The following NAALADL2 variants were observed in gnomAD, a reference collection of about 807,000 sequenced individuals.
The protein encoded by NAALADL2 is inactive N-acetylated-alpha-linked acidic dipeptidase-like protein 2.
In NAALADL2, 76 loss-of-function variants were observed where a neutral mutation model predicts 87.2. The observed-to-expected ratio is 0.87, with a 90% CI of 0.72 to 1.05. The LOEUF is 1.05. NAALADL2 is among the 50% of genes least tolerant of loss of function. The pLI, the probability that NAALADL2 is intolerant of heterozygous loss-of-function variation, is 0.00. For synonymous variants in NAALADL2, 354 were observed against 331.0 expected, an observed-to-expected ratio of 1.07 and a Z score of -0.75; for missense variants, 1,089 against 945.8, an observed-to-expected ratio of 1.15 and a Z score of -1.99.
chr3:175,423,028 A>AAAAAAAATATATATATATAT (rs1438736874), intron 5 of NAALADL2, among the ~76,000 whole-genome samples: 2 of 111,320 alleles, frequency 1.8e-5, no homozygotes, highest in Non-Finnish European at 3.4e-5. Context: ...GAAAAAAAAA[A>AAAAAAAATATATATATATAT]ATATATATAT....
intron 2 of NAALADL2, among the ~76,000 whole-genome samples, chr3:175,229,266 A>C (rs976316297): frequency 5.9e-5 from 9 of 151,958 alleles, no homozygotes; most frequent in Admixed American, 3.3e-4. Context: ...TAAAACCTTA[A>C]TTATTTTGCA....
At chr3:175,579,392 A>T (rs1719415352) in intron 10 of NAALADL2, among the ~76,000 whole-genome samples, 1 of 152,168 alleles carries the variant, frequency 6.6e-6, no homozygotes, top group South Asian at 2.1e-4. Flanking sequence ...TATCCCCAAT[A>T]TTTCAAGCTA....
chr3:174,686,839 T>C (rs1213624629), intron 2 of NAALADL2, among the ~76,000 whole-genome samples: 1 of 151,870 alleles, frequency 6.6e-6, no homozygotes, highest in African/African-American at 2.4e-5. Context: ...TATAAAACTA[T>C]AAAAGCCCTG....
intron 4 of NAALADL2, among the ~76,000 whole-genome samples, chr3:175,264,058 T>A (rs939557732): frequency 4.0e-5 from 6 of 151,826 alleles, no homozygotes; most frequent in Non-Finnish European, 8.8e-5. Context: ...TCACAGCCCT[T>A]CCAATCTTCT....
At chr3:175,074,569 T>A (rs531323197) in intron 1 of NAALADL2, among the ~76,000 whole-genome samples, 1 of 152,066 alleles carries the variant, frequency 6.6e-6, no homozygotes, top group Admixed American at 6.6e-5. Context: ...CAAAAAAAAA[T>A]TGTGGTTTGA....
chr3:175,483,270 G>T lies in NAALADL2; in HGVS notation c.1653+11512G>T, dbSNP rs79900065. 8.2e-3 allele frequency among the ~76,000 whole-genome samples: 1,227 copies of T among 150,124 alleles called. 12 individuals are homozygous for T. The highest frequency in any genetic ancestry group is 0.028 in the African/African-American group (1,148 of 41,004). ...TAAGTCTTTAGAAAGCATGCACATA[G>T]TAAGCTATGTGCCAGGCATAAAACA... is the stretch of plus-strand genomic sequence containing the variant. On this transcript the variant is annotated intron_variant, in intron 9 of 13. Transcript: ENST00000454872.
intron 3 of NAALADL2, among the ~76,000 whole-genome samples, chr3:174,787,621 A>ATATATATAC (rs1578931205): frequency 9.2e-6 from 1 of 109,244 alleles, no homozygotes; most frequent in Non-Finnish European, 2.0e-5. Context: ...ATATATATAT[A>ATATATATAC]GTAGTGACTC....
chr3:175,422,222 G>A (rs1453930067), intron 5 of NAALADL2, among the ~76,000 whole-genome samples: 3 of 152,118 alleles, frequency 2.0e-5, no homozygotes, highest in Middle Eastern at 3.4e-3. Context: ...CAAATCATGC[G>A]TTGACCTCAT....
chr3:175,327,893 A>G (rs1029292484), intron 5 of NAALADL2, among the ~76,000 whole-genome samples: 3 of 152,196 alleles, frequency 2.0e-5, no homozygotes, highest in Non-Finnish European at 4.4e-5. Flanking sequence ...TTTATAACAA[A>G]AGATCTGTAT....
intron 4 of NAALADL2, among the ~76,000 whole-genome samples, chr3:175,289,585 T>C (rs957402260): frequency 7.5e-6 from 1 of 134,022 alleles, no homozygotes; most frequent in Non-Finnish European, 1.6e-5. Flanking sequence ...TTAGAACACA[T>C]ATAGCCTCCC....
At chr3:174,468,359 T>C (rs922803246) in intron 1 of NAALADL2, among the ~76,000 whole-genome samples, 6 of 151,408 alleles carry the variant, frequency 4.0e-5, no homozygotes, top group African/African-American at 1.5e-4. Context: ...GAATTCATTT[T>C]CATTTTCTTT....
intron 1 of NAALADL2, among the ~76,000 whole-genome samples, chr3:174,526,600 G>A (rs1240617391): frequency 6.6e-6 from 1 of 151,776 alleles, no homozygotes; most frequent in Non-Finnish European, 1.5e-5. Flanking sequence ...TATTAGAGAA[G>A]TATTAGTACA....
At chr3:175,302,748 G>A (rs985707091) in intron 4 of NAALADL2, among the ~76,000 whole-genome samples, 1 of 151,930 alleles carries the variant, frequency 6.6e-6, no homozygotes, top group Non-Finnish European at 1.5e-5. Context: ...GGGGCAATAG[G>A]TGTGGTACTT....
intron 13 of NAALADL2, among the ~76,000 whole-genome samples, chr3:175,768,215 C>T (rs1175172458): frequency 6.6e-6 from 1 of 152,102 alleles, no homozygotes; most frequent in African/African-American, 2.4e-5. Flanking sequence ...AAATAAAACT[C>T]GTGTACCAGG....
intron 2 of NAALADL2, among the ~76,000 whole-genome samples, chr3:174,693,511 T>C (rs1048900832): frequency 6.6e-6 from 1 of 152,186 alleles, no homozygotes; most frequent in African/African-American, 2.4e-5. Flanking sequence ...AAATTTTATT[T>C]TGTTTCTTCC....
chr3:174,600,954 G>C (rs1112553), intron 2 of NAALADL2, among the ~76,000 whole-genome samples: 64,285 of 151,854 alleles, frequency 0.42, 15,125 homozygotes, highest in Non-Finnish European at 0.55. Flanking sequence ...ATATCAGTAG[G>C]TATATTTATT....
At chr3:175,791,392 A>G (rs1393900949) in intron 13 of NAALADL2, among the ~76,000 whole-genome samples, 1 of 152,184 alleles carries the variant, frequency 6.6e-6, no homozygotes, top group Non-Finnish European at 1.5e-5. Context: ...GGGTCCAGAT[A>G]TTTGTATTTG....
At chr3:175,346,814 T>C (rs896584934) in intron 5 of NAALADL2, among the ~76,000 whole-genome samples, 1 of 152,204 alleles carries the variant, frequency 6.6e-6, no homozygotes, top group Non-Finnish European at 1.5e-5. Context: ...GTTCCTTGTA[T>C]GGATTTTGCT....
rs1576881967 is a variant in NAALADL2, at chr3:175,804,125, G to A, written c.*922G>A. 2 of 151,898 alleles carry A rather than the reference G, an allele frequency of 1.3e-5. No homozygotes were observed. Among genetic ancestry groups the A allele is most frequent in the African/African-American group, 4.8e-5 (2 of 41,412 alleles). 9.4% of individuals were successfully genotyped at this position (151,898 alleles called of 1,614,324 possible). On this transcript the variant is annotated 3_prime_UTR_variant, in exon 14 of 14. Coordinates refer to ENST00000454872, the MANE Select transcript of NAALADL2 (RefSeq NM_207015.3). ...CTCAGAGTACTATATATTTTCAACA[G>A]TAAAGTAGCAGAGTTTCTCTTTGAA...
Sources: gnomAD v4.1 joint callset for allele counts (sites outside exome capture counted in the v4.1 genomes callset) on GRCh38, gnomAD v4.1.1 for gene constraint, MANE v1.5 for transcripts, NCBI Gene and HGNC (gene_info 2026-07-23, HGNC 2026-07-21) for gene names.